ADARB2: variants seen among roughly 807,000 people sequenced by gnomAD.
The protein encoded by ADARB2 is adenosine deaminase RNA specific B2 (inactive).
A neutral mutation model predicts 62.2 loss-of-function variants in ADARB2; 25 were observed. The ratio of observed to expected loss-of-function variants is 0.40; its 90% CI spans 0.29 to 0.56. The LOEUF is 0.56. Ranked by LOEUF, ADARB2 falls within the 20% of genes least tolerant of loss-of-function variation. ADARB2 has a pLI of 0.43. For missense variants in ADARB2, 1,071 were observed against 1,077.4 expected (o/e 0.99, Z 0.08); for synonymous variants, 572 against 500.8 (o/e 1.14, Z -1.90).
chr10:1,229,172 G>C (rs1356293895), intron 6 of ADARB2, among the ~76,000 whole-genome samples: 1 of 152,184 alleles, frequency 6.6e-6, no homozygotes, highest in Non-Finnish European at 1.5e-5. Flanking sequence ...CCAGGAATGG[G>C]GAATTTATGA....
intron 3 of ADARB2, among the ~76,000 whole-genome samples, chr10:1,271,697 T>C (rs1831265015): frequency 2.0e-5 from 3 of 152,182 alleles, no homozygotes; most frequent in South Asian, 2.1e-4. Flanking sequence ...CATAATCTGA[T>C]TAGTGATAAG....
At chr10:1,480,455 T>C (rs1394435878) in intron 1 of ADARB2, among the ~76,000 whole-genome samples, 3 of 152,170 alleles carry the variant, frequency 2.0e-5, no homozygotes, top group Admixed American at 6.5e-5. Flanking sequence ...TCCCAGCACT[T>C]TGGGAGGCCA....
At chr10:1,658,260 T>C (rs879873234) in intron 1 of ADARB2, among the ~76,000 whole-genome samples, 82 of 151,750 alleles carry the variant, frequency 5.4e-4, no homozygotes, top group Non-Finnish European at 2.2e-4. Flanking sequence ...CTCTGTCTGA[T>C]TCTCTCTGTT....
At chr10:1,677,311 TTG>T (rs1381062630) in intron 1 of ADARB2, among the ~76,000 whole-genome samples, 8 of 152,230 alleles carry the variant, frequency 5.3e-5, no homozygotes, top group African/African-American at 1.9e-4. Context: ...GCAGCAGGAC[TTG>T]TTTTAGGCTT....
chr10:1,233,415 C>G (rs116919840), intron 6 of ADARB2, among the ~76,000 whole-genome samples: 2,684 of 152,304 alleles, frequency 0.018, 39 homozygotes, highest in Non-Finnish European at 0.024. Context: ...TTTCCCAGCC[C>G]AGGACACAGG....
intron 1 of ADARB2, among the ~76,000 whole-genome samples, chr10:1,635,060 G>T (rs1035947084): frequency 6.6e-6 from 1 of 152,184 alleles, no homozygotes; most frequent in Admixed American, 6.5e-5. Context: ...TAAAGTAAGT[G>T]TATTTGTGAA....
intron 1 of ADARB2, among the ~76,000 whole-genome samples, chr10:1,500,871 A>C (rs1287556477): frequency 6.6e-6 from 1 of 152,034 alleles, no homozygotes; most frequent in Non-Finnish European, 1.5e-5. Context: ...ACCTTTTAAA[A>C]TTTTACTTTA....
At chr10:1,724,526 G>A (rs1251993256) in intron 1 of ADARB2, among the ~76,000 whole-genome samples, 2 of 152,300 alleles carry the variant, frequency 1.3e-5, no homozygotes, top group Middle Eastern at 6.8e-3. Context: ...CTCCTTGTGT[G>A]CGCAGCAGCA....
At chr10:1,372,333 G>C (rs913823918) in intron 2 of ADARB2, among the ~76,000 whole-genome samples, 2 of 151,856 alleles carry the variant, frequency 1.3e-5, no homozygotes, top group Non-Finnish European at 2.9e-5. Context: ...GAATGGGTAA[G>C]ATTCGAACAA....
chr10:1,406,561 A>G (rs530448078), intron 1 of ADARB2, among the ~76,000 whole-genome samples: 7 of 152,202 alleles, frequency 4.6e-5, no homozygotes, highest in Non-Finnish European at 7.4e-5. Flanking sequence ...TTTCCCTCCT[A>G]TGGGTTGATG....
chr10:1,631,813 G>A (rs555230978), intron 1 of ADARB2, among the ~76,000 whole-genome samples: 1 of 152,324 alleles, frequency 6.6e-6, no homozygotes, highest in Admixed American at 6.5e-5. Flanking sequence ...AAAACAATGT[G>A]AGAATTTTAT....
intron 1 of ADARB2, among the ~76,000 whole-genome samples, chr10:1,720,031 ACCC>A (rs976054264): frequency 6.6e-6 from 1 of 152,114 alleles, no homozygotes; most frequent in Admixed American, 6.5e-5. Flanking sequence ...GGGTATACCC[ACCC>A]CCCACCAAAT....
chr10:1,674,967 T>G, intron 1 of ADARB2: 1 of 976,530 alleles, frequency 1.0e-6, no homozygotes, highest in Non-Finnish European at 1.2e-6. Flanking sequence ...ACGGATATTC[T>G]GGAGGTTTGG....
intron 3 of ADARB2, among the ~76,000 whole-genome samples, chr10:1,296,487 T>C (rs1831524271): frequency 6.6e-6 from 1 of 152,158 alleles, no homozygotes; most frequent in Non-Finnish European, 1.5e-5. Flanking sequence ...AACTGCCACA[T>C]TGAGACACCT....
chr10:1,557,853 G>C (rs974502137), intron 1 of ADARB2, among the ~76,000 whole-genome samples: 7 of 152,100 alleles, frequency 4.6e-5, no homozygotes, highest in Middle Eastern at 3.4e-3. Flanking sequence ...CGGAGGTTGC[G>C]GTGAGCTGAG....
intron 1 of ADARB2, among the ~76,000 whole-genome samples, chr10:1,722,691 G>T (rs746805842): frequency 6.6e-6 from 1 of 151,960 alleles, no homozygotes; most frequent in Admixed American, 6.6e-5. Context: ...CTCACCCCTC[G>T]TCTTAATTCA....
intron 3 of ADARB2, among the ~76,000 whole-genome samples, chr10:1,354,341 C>T (rs1313975322): frequency 6.6e-6 from 1 of 152,198 alleles, no homozygotes; most frequent in Admixed American, 6.5e-5. Context: ...TCTCCTGGCT[C>T]ATCCTGGCTC....
chr10:1,186,287 G>A lies in ADARB2; in HGVS notation c.1865-1248C>T, dbSNP rs377206077. Among the ~76,000 whole-genome samples, 102 of 152,188 alleles carry A rather than the reference G, an allele frequency of 6.7e-4. 2 individuals are homozygous for A. Among genetic ancestry groups the A allele is most frequent in the African/African-American group, 2.3e-3 (97 of 41,508 alleles). On this transcript the variant is annotated intron_variant, in intron 8 of 9. Coordinates refer to ENST00000381312, the MANE Select transcript of ADARB2 (RefSeq NM_018702.4). ...AGCATGGTGGACGTGGCCCTCAGAC[G>A]TCCATGGGTGGTGGGGGAGGCACGT... is the stretch of plus-strand genomic sequence containing the variant.
chr10:1,344,875 G>A (rs930954127), intron 3 of ADARB2, among the ~76,000 whole-genome samples: 3 of 152,192 alleles, frequency 2.0e-5, no homozygotes, highest in Non-Finnish European at 2.9e-5. Flanking sequence ...GCCCACACCC[G>A]TGTGCCCGCT....
Sources: gnomAD v4.1 joint callset for allele counts (sites outside exome capture counted in the v4.1 genomes callset) on GRCh38, gnomAD v4.1.1 for gene constraint, MANE v1.5 for transcripts, NCBI Gene and HGNC (gene_info 2026-07-23, HGNC 2026-07-21) for gene names.